GOLGA8S: variants seen among roughly 807,000 people sequenced by gnomAD.
GOLGA8S encodes the protein golgin subfamily A member 8S.
A neutral mutation model predicts 58.9 loss-of-function variants in GOLGA8S; 23 were observed. The observed-to-expected ratio is 0.39, with a 90% CI of 0.28 to 0.55. The LOEUF is 0.55. GOLGA8S is among the 20% of genes least tolerant of loss of function. GOLGA8S has a pLI of 0.63. For synonymous variants in GOLGA8S, 84 were observed against 195.7 expected, an observed-to-expected ratio of 0.43 and a Z score of 4.76; for missense variants, 266 against 514.2, an observed-to-expected ratio of 0.52 and a Z score of 4.67.
At chr15:23,365,829 C>T (rs918035674), downstream of GOLGA8S, 1 of 158,376 alleles carries the variant, frequency 6.3e-6, no homozygotes, top group Non-Finnish European at 1.4e-5. Flanking sequence ...TTCATCTGTT[C>T]CGGTGCCAGG....
At chr15:23,361,163 T>A in intron 11 of GOLGA8S, 58 bp from the exon 12 acceptor site, 1 of 994,890 alleles carries the variant, frequency 1.0e-6, no homozygotes, top group East Asian at 2.8e-5. Flanking sequence ...TCTTTTCTTT[T>A]CTTTTCTTTT....
chr15:23,357,854 G>A (rs1182297675), intron 4 of GOLGA8S, among the ~76,000 whole-genome samples: 3 of 149,892 alleles, frequency 2.0e-5, no homozygotes, highest in East Asian at 1.9e-4. Flanking sequence ...TGCTACACAC[G>A]CCCTGGGATT....
chr15:23,361,120 G>A (rs1444950328), intron 11 of GOLGA8S, 101 bp from the exon 12 acceptor site: 14 of 1,003,418 alleles, frequency 1.4e-5, no homozygotes, highest in South Asian at 6.3e-5. Flanking sequence ...GGAGCTGTGC[G>A]CCAAGAGGAG....
In GOLGA8S at chr15:23,364,489, G is replaced by C. The variant is rs4036659; in HGVS notation, c.1449-37G>C. ...CAGCAGGGGGAGCTACAGGGCCGTC[G>C]GAGGGGCCCCAGCGTCTGAGCCCTG... On this transcript the variant is annotated intron_variant, in intron 16 of 18. Transcript: ENST00000562295. 2.5e-6 allele frequency: 4 copies of C among 1,605,246 alleles called. No individual in the cohort carries two copies. The African/African-American group carries it at 5.4e-5, about 21-fold the overall frequency.
intron 15 of GOLGA8S, 108 bp from the exon 16 acceptor site, chr15:23,364,235 C>A (rs560488442): frequency 1.3e-6 from 2 of 1,522,450 alleles, no homozygotes; most frequent in Non-Finnish European, 1.8e-6. Flanking sequence ...CAGGAAGTCA[C>A]GGAGAAGCTG....
downstream of GOLGA8S, chr15:23,365,404 C>T (rs1372602845): frequency 5.2e-6 from 3 of 581,484 alleles, no homozygotes; most frequent in Non-Finnish European, 8.9e-6. Flanking sequence ...ATCGAGTTTG[C>T]CCTTACGTGG....
At chr15:23,364,283 T>C in intron 15 of GOLGA8S, 60 bp from the exon 16 acceptor site, 1 of 1,592,076 alleles carries the variant, frequency 6.3e-7, no homozygotes, top group East Asian at 2.2e-5. Flanking sequence ...CTCCATGACT[T>C]GAAAATGCCA....
chr15:23,361,158 T>A (rs539647992), intron 11 of GOLGA8S, 63 bp from the exon 12 acceptor site: 1 of 1,004,600 alleles, frequency 1.0e-6, no homozygotes. Flanking sequence ...TCTTTTCTTT[T>A]CTTTTCTTTT....
chr15:23,365,579 A>T, downstream of GOLGA8S: 1 of 280,020 alleles, frequency 3.6e-6, no homozygotes, highest in East Asian at 1.0e-4. Context: ...TCTTAATCAC[A>T]GTGAGCTCTT....
At chr15:23,365,719 T>C (rs1460396659), downstream of GOLGA8S, 1 of 176,526 alleles carries the variant, frequency 5.7e-6, no homozygotes, top group East Asian at 1.7e-4. Flanking sequence ...CCATTTTCTG[T>C]GTATTGGTGA....
chr15:23,360,552 C>T lies in GOLGA8S; in HGVS notation c.786+20C>T. The T allele has an allele frequency of 2.6e-6, 2 of 763,530 alleles. No homozygotes were observed. Among genetic ancestry groups the T allele is most frequent in the East Asian group, 2.5e-5 (1 of 40,656 alleles). The allele number at this position is 763,530 out of a possible 1,614,324, so 47.3% of individuals were successfully genotyped here. On this transcript the variant is annotated intron_variant, in intron 10 of 18. Transcript: ENST00000562295. ...CAGGAGGTGAGATCTGACCCTTCAGCCCCCCCACATTAGATAGGTCACTGG... is the reference window on the plus strand; with the variant it reads ...CAGGAGGTGAGATCTGACCCTTCAGTCCCCCCACATTAGATAGGTCACTGG...
At chr15:23,356,198 A>G (rs1258816485) in intron 1 of GOLGA8S, among the ~76,000 whole-genome samples, 1 of 145,232 alleles carries the variant, frequency 6.9e-6, no homozygotes, top group African/African-American at 2.4e-5. Context: ...TAAGAGTTTG[A>G]GAGGTACAGG....
chr15:23,366,635 T>C (rs4104465), downstream of GOLGA8S: 8 of 151,876 alleles, frequency 5.3e-5, no homozygotes, highest in South Asian at 4.2e-4. Flanking sequence ...TGTTTTTGTA[T>C]CTCTGGGTTT....
downstream of GOLGA8S, chr15:23,365,346 T>C (rs2069902831): frequency 1.6e-6 from 1 of 627,030 alleles, no homozygotes; most frequent in Non-Finnish European, 2.7e-6. Flanking sequence ...TGGCATCCTT[T>C]AGCATTTTTC....
chr15:23,361,016 G>T (rs865801898), intron 11 of GOLGA8S, among the ~76,000 whole-genome samples: 1 of 149,464 alleles, frequency 6.7e-6, no homozygotes, highest in South Asian at 2.2e-4. Flanking sequence ...TCAGCCACCC[G>T]CAGTGCTCTT....
At chr15:23,365,384 T>C (rs2069903442), downstream of GOLGA8S, 5 of 601,880 alleles carry the variant, frequency 8.3e-6, no homozygotes, top group South Asian at 1.0e-4. Flanking sequence ...TGTAGGTCAT[T>C]AGCATGCATA....
rs2069866653 is a variant in GOLGA8S at position 23,364,273 on chromosome 15, C to T, written c.1348-70C>T. The T allele has an allele frequency of 4.4e-6, 7 of 1,586,090 alleles. No individual in the cohort carries two copies. The East Asian group carries it at 1.3e-4, about 30-fold the overall frequency. ...CCATGCCAGGACTCACCTCCACCTT[C>T]TCCATGACTTGAAAATGCCACCTGA... is the stretch of plus-strand genomic sequence containing the variant. On this transcript the variant is annotated intron_variant, in intron 15 of 18. Transcript: ENST00000562295.
chr15:23,359,887 T>G lies in GOLGA8S; in HGVS notation c.592-345T>G, dbSNP rs1445321121. On this transcript the variant is annotated intron_variant, in intron 8 of 18. Transcript: ENST00000562295. ...TGTTTTTTCATCTACACAATAGAGGTCATCATAGTAACTGTCTCCCATGGT... is the reference window on the plus strand; with the variant it reads ...TGTTTTTTCATCTACACAATAGAGGGCATCATAGTAACTGTCTCCCATGGT... Among the ~76,000 whole-genome samples the G allele has an allele frequency of 4.1e-5, 6 of 147,638 alleles. 1 individual carries two copies. The highest frequency in any genetic ancestry group is 3.0e-5 in the Non-Finnish European group (2 of 66,952).
chr15:23,361,152 T>G (rs1191602813), intron 11 of GOLGA8S, 69 bp from the exon 12 acceptor site: 1 of 971,598 alleles, frequency 1.0e-6, no homozygotes, highest in African/African-American at 2.7e-5. Flanking sequence ...TTCTTTTCTT[T>G]TCTTTTCTTT....
Sources: allele counts gnomAD v4.1 joint callset (sites outside exome capture counted in the v4.1 genomes callset), GRCh38; gene constraint gnomAD v4.1.1; transcripts MANE v1.5; gene names NCBI Gene and HGNC (gene_info 2026-07-23, HGNC 2026-07-21).